ERGIC1: variants seen among roughly 807,000 people sequenced by gnomAD.
ERGIC1 encodes endoplasmic reticulum-golgi intermediate compartment 1.
Under a neutral mutation model 38.3 loss-of-function variants are expected in ERGIC1, and 19 were observed. That is an observed-to-expected ratio of 0.50 (90% CI 0.35 to 0.73). The LOEUF (loss-of-function observed/expected upper bound fraction) is 0.73, where lower values mean the gene tolerates loss of function less well. Ranked by LOEUF, ERGIC1 falls within the 30% of genes least tolerant of loss-of-function variation. The pLI is 0.01. For synonymous variants in ERGIC1, 124 were observed against 157.6 expected (o/e 0.79, Z 1.60); for missense variants, 294 against 389.2 (o/e 0.76, Z 2.06).
At chr5:172,929,195 A>G (rs544714609) in intron 7 of ERGIC1, among the ~76,000 whole-genome samples, 4 of 152,232 alleles carry the variant, frequency 2.6e-5, no homozygotes, top group African/African-American at 9.6e-5. Flanking sequence ...ACACACATAC[A>G]TATATATGGG....
rs978819699 is a variant in ERGIC1, at chr5:172,906,567, C to T, written c.156-3100C>T. 1.4e-4 allele frequency among the ~76,000 whole-genome samples: 22 copies of T among 152,312 alleles called. 2 individuals are homozygous for T. In the South Asian group the frequency reaches 4.4e-3, roughly 30 times the overall value. On this transcript the variant is annotated intron_variant, in intron 3 of 9. Coordinates refer to ENST00000393784, the MANE Select transcript of ERGIC1 (RefSeq NM_001031711.3). Reference sequence around the variant, plus strand: ...CCACCGTTCCTTGTGAACAGCATCACACCGGGTGCTAGGGGCGCAAAGATG... The same window carrying T: ...CCACCGTTCCTTGTGAACAGCATCATACCGGGTGCTAGGGGCGCAAAGATG...
At chr5:172,855,372 G>T (rs1761520675) in intron 1 of ERGIC1, among the ~76,000 whole-genome samples, 1 of 152,154 alleles carries the variant, frequency 6.6e-6, no homozygotes, top group Non-Finnish European at 1.5e-5. Context: ...ATGGTCTCGG[G>T]CCTAACCAGG....
chr5:172,875,191 G>A (rs1177215996), intron 1 of ERGIC1, among the ~76,000 whole-genome samples: 1 of 152,218 alleles, frequency 6.6e-6, no homozygotes, highest in African/African-American at 2.4e-5. Context: ...TGGACTAGAA[G>A]AGGTTTAAAT....
At chr5:172,946,003 T>C (rs1764113699) in intron 9 of ERGIC1, among the ~76,000 whole-genome samples, 2 of 152,186 alleles carry the variant, frequency 1.3e-5, no homozygotes, top group South Asian at 4.1e-4. Context: ...GTTTTATAGA[T>C]GAAGAAACTG....
At chr5:172,859,718 T>TG (rs1456011953) in intron 1 of ERGIC1, among the ~76,000 whole-genome samples, 1 of 152,212 alleles carries the variant, frequency 6.6e-6, no homozygotes, top group Non-Finnish European at 1.5e-5. Flanking sequence ...TTGCAGCCCT[T>TG]GCTGCTATCC....
Position 172,932,456 on chromosome 5 carries a change from A to T in ERGIC1, c.562A>T (p.Ile188Phe), listed in dbSNP as rs140909162. 1.2e-6 allele frequency: 2 copies of T among 1,614,180 alleles called. No individual in the cohort carries two copies. Among genetic ancestry groups the T allele is most frequent in the East Asian group, 4.5e-5 (2 of 44,870 alleles). The change falls in exon 8 of 10, where the codon ATC becomes TTC. Residue 188 changes from isoleucine (I) to phenylalanine (F), a missense_variant. Physicochemically the swap from Ile to Phe is conservative, Grantham distance 21. Around this residue, in one of 3 missense-constraint regions of ERGIC1, gnomAD observed 109 missense variants for 112.7 expected, o/e 0.97. Coordinates refer to ENST00000393784, the MANE Select transcript of ERGIC1 (RefSeq NM_001031711.3). ...CGCAGCCCTGGCCTCCCACGACTAC[A>T]TCCTGAAGATTGTGCCCACGGTTTA... Reference protein sequence around the residue: ...TSNPLASHDYILKIVPTVYED... With the variant: ...TSNPLASHDYFLKIVPTVYED...
At chr5:172,854,141 G>C (rs1761480598) in intron 1 of ERGIC1, among the ~76,000 whole-genome samples, 1 of 151,858 alleles carries the variant, frequency 6.6e-6, no homozygotes, top group South Asian at 2.1e-4. Context: ...AGCACTTTGG[G>C]AGACCAAGAC....
chr5:172,926,522 A>C lies in ERGIC1; in HGVS notation c.494A>C (p.His165Pro). Reference protein sequence around the residue: ...FGDTLQVQNIHGAFNALGGAD... With the variant: ...FGDTLQVQNIPGAFNALGGAD... ...ATTTTTCCACAGGTCCAGAACATCC[A>C]CGGAGCTTTCAATGCTCTCGGGGGA... is the stretch of plus-strand genomic sequence containing the variant. The change falls in exon 7 of 10, where the codon CAC (histidine) becomes CCC (proline). Residue 165 changes from histidine (H) to proline (P), a missense_variant. Transcript: ENST00000393784. The surrounding 1 kb of genome is among the most constrained non-coding windows in gnomAD (Gnocchi z 5.2). 2 of 1,612,846 alleles carry C rather than the reference A, an allele frequency of 1.2e-6. No individual in the cohort carries two copies. Among genetic ancestry groups the C allele is most frequent in the Non-Finnish European group, 8.5e-7 (1 of 1,179,810 alleles).
Position 172,837,018 on chromosome 5 carries a change from G to A in ERGIC1, c.20+2585G>A, listed in dbSNP as rs907088288. ...AGATCTGGGAGAAAAGGGAGAGATT[G>A]GAGGGGCCCACCATCCTGTCAGCTC... On this transcript the variant is annotated intron_variant, in intron 1 of 9. Coordinates refer to ENST00000393784, the MANE Select transcript of ERGIC1 (RefSeq NM_001031711.3). The surrounding 1 kb of genome is among the most constrained non-coding windows in gnomAD (Gnocchi z 4.3). Among the ~76,000 whole-genome samples the A allele has an allele frequency of 6.6e-6, 1 of 152,182 alleles. No homozygotes were observed. The highest frequency in any genetic ancestry group is 1.5e-5 in the Non-Finnish European group (1 of 68,034).
Position 172,951,193 on chromosome 5 carries a change from C to T in ERGIC1, c.*377C>T. ...GCCAGGCTTCGACAATCTCGCAGCC[C>T]CCACTAGGTGGACACATTAATGATT... is the stretch of plus-strand genomic sequence containing the variant. On this transcript the variant is annotated 3_prime_UTR_variant, in exon 10 of 10. Transcript: ENST00000393784. 1 of 164,432 alleles carries T rather than the reference C, an allele frequency of 6.1e-6. No individual in the cohort carries two copies. The highest frequency in any genetic ancestry group is 1.3e-5 in the Non-Finnish European group (1 of 76,150). The allele number at this position is 164,432 out of a possible 1,614,324, so 10.2% of individuals were successfully genotyped here.
intron 1 of ERGIC1, among the ~76,000 whole-genome samples, chr5:172,871,245 G>A (rs1016137600): frequency 2.6e-5 from 4 of 152,264 alleles, no homozygotes; most frequent in East Asian, 1.9e-4. Flanking sequence ...TCAATTGCCC[G>A]AGACCTCTGA....
chr5:172,946,952 G>C (rs976188119), intron 9 of ERGIC1, among the ~76,000 whole-genome samples: 1 of 151,962 alleles, frequency 6.6e-6, no homozygotes, highest in African/African-American at 2.4e-5. Flanking sequence ...GGGAGGCCGA[G>C]GCAGGCAGAT....
At chr5:172,950,392 C>T (rs559474806) in intron 9 of ERGIC1, among the ~76,000 whole-genome samples, 8 of 152,316 alleles carry the variant, frequency 5.3e-5, no homozygotes, top group African/African-American at 1.9e-4. Context: ...AGGCAAGTCA[C>T]CTGATGAACC....
chr5:172,915,651 G>A lies in ERGIC1; in HGVS notation c.375+813G>A, dbSNP rs768950231. ...CTCGAAGCTCGGTACTGTCACAGTG[G>A]AGCCTCTCAACAACGCTGTGAGGCA... On this transcript the variant is annotated intron_variant, in intron 5 of 9. Transcript: ENST00000393784. The A allele has an allele frequency of 2.7e-4, 129 of 470,960 alleles. No individual in the cohort carries two copies. The Middle Eastern group carries it at 3.2e-3, about 12-fold the overall frequency. The allele number at this position is 470,960 out of a possible 1,614,324, so 29.2% of individuals were successfully genotyped here.
chr5:172,920,757 A>T (rs536655229), intron 5 of ERGIC1, among the ~76,000 whole-genome samples: 13 of 152,146 alleles, frequency 8.5e-5, no homozygotes, highest in Non-Finnish European at 1.5e-5. Context: ...CCAGGCCCCA[A>T]TCCCAGTTCT....
chr5:172,845,639 C>G (rs575893600), intron 1 of ERGIC1, among the ~76,000 whole-genome samples: 1 of 152,320 alleles, frequency 6.6e-6, no homozygotes, highest in South Asian at 2.1e-4. Flanking sequence ...TTTTGCTTCT[C>G]TCTCTCTTTT....
intron 3 of ERGIC1, among the ~76,000 whole-genome samples, chr5:172,903,526 G>A (rs1274888177): frequency 6.6e-6 from 1 of 152,148 alleles, no homozygotes; most frequent in East Asian, 1.9e-4. Flanking sequence ...CTATGATCTT[G>A]GCCAGCCAGC....
At chr5:172,908,851 C>A (rs1763125325) in intron 3 of ERGIC1, among the ~76,000 whole-genome samples, 1 of 152,172 alleles carries the variant, frequency 6.6e-6, no homozygotes, top group Non-Finnish European at 1.5e-5. Flanking sequence ...ACCGGTTCTG[C>A]CCCTACGGAT....
At position 172,834,586 on chromosome 5, in the gene ERGIC1, C is replaced by CA. The variant is rs1554105689; in HGVS notation, c.20+153_20+154insA. On this transcript the variant is annotated intron_variant, in intron 1 of 9. Coordinates refer to ENST00000393784, the MANE Select transcript of ERGIC1 (RefSeq NM_001031711.3). The surrounding 1 kb of genome is among the most constrained non-coding windows in gnomAD (Gnocchi z 4.1). Reference sequence around the variant, plus strand: ...CCCTAGGGACCCCAGGCGAGCCCCCCCCCTGCCGCACACGAAGCCAGCCAG... The same window carrying CA: ...CCCTAGGGACCCCAGGCGAGCCCCCCACCCTGCCGCACACGAAGCCAGCCAG... 3.8e-5 allele frequency among the ~76,000 whole-genome samples: 5 copies of CA among 133,190 alleles called. No individual in the cohort carries two copies. Among genetic ancestry groups the CA allele is most frequent in the East Asian group, 2.5e-4 (1 of 4,026 alleles). The allele number at this position is 133,190 out of a possible 152,430, so 87.4% of individuals were successfully genotyped here.
Sources: gnomAD v4.1 joint callset for allele counts (sites outside exome capture counted in the v4.1 genomes callset) on GRCh38, gnomAD v4.1.1 for gene constraint, gnomAD v4.1.1 regional missense constraint, Gnocchi (gnomAD v3.1) non-coding constraint, MANE v1.5 for transcripts, NCBI Gene and HGNC (gene_info 2026-07-23, HGNC 2026-07-21) for gene names.